MUTYH: variants seen among roughly 807,000 people sequenced by gnomAD.
MUTYH encodes the protein mutY DNA glycosylase, also known as adenine DNA glycosylase.
MUTYH carries 64 observed loss-of-function variants against 72.9 expected under a neutral mutation model. That is an observed-to-expected ratio of 0.88 (90% CI 0.72 to 1.08). The LOEUF (loss-of-function observed/expected upper bound fraction) is 1.08, where lower values mean the gene tolerates loss of function less well. Ranked by LOEUF, MUTYH falls within the 50% of genes least tolerant of loss-of-function variation. The pLI is 0.00. For missense variants in MUTYH, 633 were observed against 671.0 expected (o/e 0.94, Z 0.63); for synonymous variants, 234 against 263.1 (o/e 0.89, Z 1.07).
chr1:45,338,841 C>T (rs942021166), intron 1 of MUTYH, among the ~76,000 whole-genome samples: 6 of 152,044 alleles, frequency 3.9e-5, no homozygotes, highest in Non-Finnish European at 8.8e-5. Context: ...ACATGGCTCA[C>T]TGCAGCCTCG....
In MUTYH at chr1:45,332,501, G is replaced by A; in HGVS notation, c.607-13C>T. 1 of 1,614,068 alleles carries A rather than the reference G, an allele frequency of 6.2e-7. No homozygotes were observed. Among genetic ancestry groups the A allele is most frequent in the Non-Finnish European group, 8.5e-7 (1 of 1,179,984 alleles). ...CCACACCGGTTGCCTGGCACAGAGG[G>A]GCCAAAGAGTTAGCCTGGGCTGGGA... On this transcript the variant is annotated splice_polypyrimidine_tract_variant and intron_variant, in intron 8 of 15. Transcript: ENST00000456914.
intron 1 of MUTYH, 21 bp downstream of exon 1, chr1:45,339,878 A>G (rs772606790): frequency 4.3e-6 from 6 of 1,381,906 alleles, no homozygotes; most frequent in South Asian, 3.6e-5. Flanking sequence ...GCCCAAACCC[A>G]GCCACCCCAC....
chr1:45,332,766 C>T lies in MUTYH; in HGVS notation c.489G>A (p.Arg163=), dbSNP rs1026586859. The T allele has an allele frequency of 1.2e-6, 2 of 1,614,192 alleles. No homozygotes were observed. The highest frequency in any genetic ancestry group is 1.7e-5 in the Admixed American group (1 of 60,030). ...TACCCTCCTGCCATCCCCTTACCTTCCGAGCTCCCTCCTGCAGCCGCCGGC... is the reference window on the plus strand; with the variant it reads ...TACCCTCCTGCCATCCCCTTACCTTTCGAGCTCCCTCCTGCAGCCGCCGGC... The part of the protein sequence containing the change: ...SRGRRLQEGA[R]KVVEELGGHM... The change falls in exon 7 of 16, where the codon CGG becomes CGA. Residue 163 remains arginine, a synonymous_variant. Coordinates refer to ENST00000456914, the MANE Select transcript of MUTYH (RefSeq NM_001048174.2).
rs751053826 is a variant in MUTYH at position 45,329,334 on chromosome 1, G to C, written c.1538C>G (p.Ala513Gly). 4 of 1,614,198 alleles carry C rather than the reference G, an allele frequency of 2.5e-6. No individual in the cohort carries two copies. Among genetic ancestry groups the C allele is most frequent in the Non-Finnish European group, 3.4e-6 (4 of 1,180,024 alleles). The change falls in exon 16 of 16, where the codon GCA becomes GGA. Residue 513 changes from alanine to glycine, a missense_variant. Transcript: ENST00000456914. ...NFFRSHISTD[A>G]HSLNSAAQ Reference sequence around the variant, plus strand: ...CTGGGCTGCACTGTTGAGGCTGTGTGCATCAGTGGAGATGTGAGACCGAAA... The same window carrying C: ...CTGGGCTGCACTGTTGAGGCTGTGTCCATCAGTGGAGATGTGAGACCGAAA...
chr1:45,331,123 A>G, intron 14 of MUTYH, 59 bp downstream of exon 14: 4 of 1,607,088 alleles, frequency 2.5e-6, no homozygotes, highest in Non-Finnish European at 3.4e-6. Flanking sequence ...ACAGTAATAT[A>G]TTCATGTAGA....
rs1645370714 is a variant in MUTYH, at chr1:45,333,508, G to A, written c.169C>T (p.His57Tyr). The change falls in exon 3 of 16, where the codon CAT becomes TAT. Residue 57 changes from histidine to tyrosine, a missense_variant. Transcript: ENST00000456914. ...VVLQASVSSY[H>Y]LFRDVAEVTA... ...ACTTCAGCTACGTCTCTGAATAGAT[G>A]GTATGAGGAGACAGAGGCCTGCAAT... 6.2e-7 allele frequency: 1 copy of A among 1,614,212 alleles called. No individual in the cohort carries two copies. Among genetic ancestry groups the A allele is most frequent in the African/African-American group, 1.3e-5 (1 of 75,054 alleles).
At chr1:45,339,205 A>ATT (rs60609540) in intron 1 of MUTYH, among the ~76,000 whole-genome samples, 8,166 of 118,022 alleles carry the variant, frequency 0.069, 403 homozygotes, top group Non-Finnish European at 0.088. Context: ...TCCAATAGGA[A>ATT]TTTTTTTTTT....
intron 1 of MUTYH, chr1:45,338,297 A>G: frequency 1.9e-6 from 1 of 532,718 alleles, no homozygotes; most frequent in Admixed American, 2.2e-5. Context: ...TCATCCCCTC[A>G]CTATGCTCTA....
At chr1:45,338,194 C>A (rs1335925040) in intron 1 of MUTYH, 2 of 525,154 alleles carry the variant, frequency 3.8e-6, no homozygotes, top group Non-Finnish European at 7.4e-6. Flanking sequence ...ACCTTATAGG[C>A]CATTGGAGGG....
chr1:45,332,279 G>C lies in MUTYH; in HGVS notation c.736C>G (p.Arg246Gly). ...GCTGCTTGGTTGAAATCTCCTGGCC[G>C]GGCTGGGTCCACCAGCTGCTGGGCT... ...GLAQQLVDPARPGDFNQAAME... is the reference protein window; with the variant it reads ...GLAQQLVDPAGPGDFNQAAME... Residue 246 changes from arginine (R) to glycine (G), a missense_variant, in exon 10 of 16, where the codon CGG becomes GGG. Coordinates refer to ENST00000456914, the MANE Select transcript of MUTYH (RefSeq NM_001048174.2). 1.2e-6 allele frequency: 2 copies of C among 1,614,042 alleles called. No homozygotes were observed. Among genetic ancestry groups the C allele is most frequent in the Non-Finnish European group, 1.7e-6 (2 of 1,179,972 alleles).
At chr1:45,334,210 A>G in intron 2 of MUTYH, 181 bp downstream of exon 2, 2 of 850,280 alleles carry the variant, frequency 2.4e-6, no homozygotes, top group Admixed American at 2.0e-5. Flanking sequence ...GCTGGTCTCA[A>G]ACTCCTGGGC....
In MUTYH at chr1:45,333,737, G is replaced by C. The variant is rs1645421642; in HGVS notation, c.116-176C>G. 8.3e-6 allele frequency: 8 copies of C among 960,648 alleles called. No homozygotes were observed. The South Asian group carries it at 1.4e-4, about 17-fold the overall frequency. 59.5% of individuals were successfully genotyped at this position (960,648 alleles called of 1,614,324 possible). On this transcript the variant is annotated intron_variant, in intron 2 of 15. Coordinates refer to ENST00000456914, the MANE Select transcript of MUTYH (RefSeq NM_001048174.2). ...TGTAATTGTGTGTAGCTGTGGCTAA[G>C]TTTCTGGCCTTAATTTTCTCAGGGT...
At chr1:45,338,682 G>C (rs1004992920) in intron 1 of MUTYH, 1 of 181,780 alleles carries the variant, frequency 5.5e-6, no homozygotes. Flanking sequence ...ATGGGATGGG[G>C]GATAGTCAAA....
chr1:45,330,324 A>G (rs1437076482), intron 15 of MUTYH, among the ~76,000 whole-genome samples, 192 bp downstream of exon 15: 3 of 150,476 alleles, frequency 2.0e-5, no homozygotes, highest in Non-Finnish European at 4.4e-5. Flanking sequence ...GACACTGGAG[A>G]GTCCTCATCA....
chr1:45,339,204 A>AT (rs1646496929), intron 1 of MUTYH, among the ~76,000 whole-genome samples: 1 of 134,972 alleles, frequency 7.4e-6, no homozygotes, highest in Non-Finnish European at 1.6e-5. Context: ...CTCCAATAGG[A>AT]ATTTTTTTTT....
At chr1:45,340,223 A>C (rs752665489), upstream of MUTYH, 3 of 1,613,842 alleles carry the variant, frequency 1.9e-6, no homozygotes, top group Non-Finnish European at 2.5e-6. Context: ...GCGTACCCAC[A>C]GACGACTCAG....
At chr1:45,337,889 A>T (rs539944974) in intron 1 of MUTYH, among the ~76,000 whole-genome samples, 16 of 152,364 alleles carry the variant, frequency 1.1e-4, no homozygotes, top group African/African-American at 3.6e-4. Flanking sequence ...AATAATGAAC[A>T]TAAGTAAATT....
At chr1:45,340,009 C>G, upstream of MUTYH, 2 of 1,539,192 alleles carry the variant, frequency 1.3e-6, no homozygotes, top group Non-Finnish European at 1.8e-6. Context: ...GGCTTTCCGG[C>G]GCACTCCAGG....
intron 1 of MUTYH, 160 bp downstream of exon 1, chr1:45,339,739 G>A (rs1406583888): frequency 2.1e-6 from 2 of 963,910 alleles, no homozygotes; most frequent in African/African-American, 1.7e-5. Context: ...GGAGATCACT[G>A]AGCTCTCCAT....
Sources: allele counts gnomAD v4.1 joint callset (sites outside exome capture counted in the v4.1 genomes callset), GRCh38; gene constraint gnomAD v4.1.1; transcripts MANE v1.5; gene names NCBI Gene and HGNC (gene_info 2026-07-23, HGNC 2026-07-21).